Variants in GATC observed in about 807,000 individuals in gnomAD.
GATC encodes the protein glutamyl-tRNA amidotransferase subunit C.
In GATC, 11 loss-of-function variants were observed where a neutral mutation model predicts 14.4. That is an observed-to-expected ratio of 0.77 (90% CI 0.48 to 1.27). The LOEUF (loss-of-function observed/expected upper bound fraction) is 1.27. Among genes scored for constraint, GATC ranks in the 50% most tolerant of loss-of-function variants. The probability of loss-of-function intolerance (pLI) is 0.00; values close to 1 mark genes in which losing one functional copy is unlikely to be tolerated. For synonymous variants in GATC, 76 were observed against 79.3 expected, an observed-to-expected ratio of 0.96 and a Z score of 0.22; for missense variants, 204 against 183.0, an observed-to-expected ratio of 1.11 and a Z score of -0.66.
In GATC at chr12:120,446,674, G is replaced by T; in HGVS notation, c.99G>T (p.Thr33=). 6.2e-7 allele frequency: 1 copy of T among 1,612,816 alleles called. No individual in the cohort carries two copies. Among genetic ancestry groups the T allele is most frequent in the African/African-American group, 1.3e-5 (1 of 75,066 alleles). The part of the protein sequence containing the change: ...KADPQGSGRI[T]AAVIEHLERL... ...TCCTCCAGGGCAGTGGCCGGATCAC[G>T]GCTGCGGTGATCGAGCACCTGGAGC... The change falls in exon 2 of 4, where the codon ACG becomes ACT. Residue 33 remains threonine (T), a synonymous_variant. Transcript: ENST00000551765.
chr12:120,454,524 C>T lies in GATC; in HGVS notation c.255-2552C>T, dbSNP rs1565913930. On this transcript the variant is annotated intron_variant, in intron 2 of 3. Coordinates refer to ENST00000551765, the MANE Select transcript of GATC (RefSeq NM_176818.3). The stretch of plus-strand genomic sequence containing the variant: ...CAAGCTCCACCTCCAGGGTTCACGC[C>T]GTTCCCCTCCTCAGCCTCTCGCTAC... Among the ~76,000 whole-genome samples the T allele has an allele frequency of 3.3e-5, 5 of 151,602 alleles. No homozygotes were observed. The South Asian group carries it at 1.0e-3, about 32-fold the overall frequency.
At chr12:120,456,873 C>T (rs1878198542) in intron 2 of GATC, among the ~76,000 whole-genome samples, 1 of 152,178 alleles carries the variant, frequency 6.6e-6, no homozygotes, top group East Asian at 1.9e-4. Context: ...GTAATTAGCA[C>T]TTACTTCTCA....
At chr12:120,456,175 T>C (rs1418632644) in intron 2 of GATC, among the ~76,000 whole-genome samples, 1 of 152,204 alleles carries the variant, frequency 6.6e-6, no homozygotes, top group Non-Finnish European at 1.5e-5. Flanking sequence ...TCTAAGTATC[T>C]GGAAGCAGGC....
chr12:120,452,622 G>A (rs1028165221), intron 2 of GATC, among the ~76,000 whole-genome samples: 1 of 151,786 alleles, frequency 6.6e-6, no homozygotes, highest in Non-Finnish European at 1.5e-5. Context: ...AGCTGGTCTC[G>A]AACTCCTGGG....
intron 2 of GATC, among the ~76,000 whole-genome samples, chr12:120,449,802 G>C (rs1450343625): frequency 6.6e-6 from 1 of 150,390 alleles, no homozygotes; most frequent in Non-Finnish European, 1.5e-5. Context: ...TGCTCACGTT[G>C]CCCAGGCTGG....
rs79207540 is a variant in GATC at position 120,457,399 on chromosome 12, G to A, written c.358+220G>A. Reference sequence around the variant, plus strand: ...AAAACAGGATTGGGGGCATGCGGGAGGTTTAAAGTAGGTGGAAATCTGGAG... The same window carrying A: ...AAAACAGGATTGGGGGCATGCGGGAAGTTTAAAGTAGGTGGAAATCTGGAG... On this transcript the variant is annotated intron_variant, in intron 3 of 3. Transcript: ENST00000551765. Among the ~76,000 whole-genome samples, 729 of 152,106 alleles carry A rather than the reference G, an allele frequency of 4.8e-3. 7 individuals are homozygous for A. Among genetic ancestry groups the A allele is most frequent in the African/African-American group, 0.017 (711 of 41,472 alleles).
chr12:120,451,875 C>CTTTTTTTTTTTCTTTTTTTTTTTTT (rs1382761116), intron 2 of GATC, among the ~76,000 whole-genome samples: 18 of 90,794 alleles, frequency 2.0e-4, no homozygotes, highest in East Asian at 7.8e-4. Flanking sequence ...TATATAAATT[C>CTTTTTTTTTTTCTTTTTTTTTTTTT]TTTTTTTTTT....
At chr12:120,448,835 G>A (rs1238679563) in intron 2 of GATC, among the ~76,000 whole-genome samples, 17 of 147,334 alleles carry the variant, frequency 1.2e-4, no homozygotes, top group Middle Eastern at 3.8e-3. Flanking sequence ...TAATAGAGAC[G>A]GGGTTTCACC....
Position 120,462,341 on chromosome 12 carries a change from CCATTT to C in GATC, c.*2385_*2389del. On this transcript the variant is annotated 3_prime_UTR_variant, in exon 4 of 4. Coordinates refer to ENST00000551765, the MANE Select transcript of GATC (RefSeq NM_176818.3). ...TTATGAGGTAGGTACTCTTACTATC[CCATTT>C]CAAGAATGAAGAAAATTAAGACTTA... 1 of 536,980 alleles carries C rather than the reference CCATTT, an allele frequency of 1.9e-6. No individual in the cohort carries two copies. The highest frequency in any genetic ancestry group is 3.0e-6 in the Non-Finnish European group (1 of 327,894). The allele number at this position is 536,980 out of a possible 1,614,324, so 33.3% of individuals were successfully genotyped here. A position where few individuals can be genotyped will look rare whatever the true frequency, so the allele number is the denominator to read the frequency against.
Position 120,459,997 on chromosome 12 carries a change from T to C in GATC, c.*38T>C. The stretch of plus-strand genomic sequence containing the variant: ...GGAAAGGGGGTACTCTGTGAACATG[T>C]GGAAGCATAATGACAGTATTTTTTT... On this transcript the variant is annotated 3_prime_UTR_variant, in exon 4 of 4. Coordinates refer to ENST00000551765, the MANE Select transcript of GATC (RefSeq NM_176818.3). The C allele has an allele frequency of 6.6e-7, 1 of 1,519,088 alleles. No individual in the cohort carries two copies. The highest frequency in any genetic ancestry group is 9.1e-7 in the Non-Finnish European group (1 of 1,096,390). 94.1% of individuals were successfully genotyped at this position (1,519,088 alleles called of 1,614,324 possible).
At chr12:120,451,875 C>CTTTTTTTTTTTCT (rs1382761116) in intron 2 of GATC, among the ~76,000 whole-genome samples, 1,905 of 90,716 alleles carry the variant, frequency 0.021, 155 homozygotes, top group East Asian at 0.084. Context: ...TATATAAATT[C>CTTTTTTTTTTTCT]TTTTTTTTTT....
intron 2 of GATC, among the ~76,000 whole-genome samples, chr12:120,456,706 C>T (rs1423578959): frequency 1.3e-5 from 2 of 152,218 alleles, no homozygotes; most frequent in African/African-American, 4.8e-5. Context: ...GTGCTACTCA[C>T]GCAGGCTGGA....
chr12:120,459,550 G>A (rs1460893985), intron 3 of GATC, among the ~76,000 whole-genome samples: 1 of 152,106 alleles, frequency 6.6e-6, no homozygotes, highest in Admixed American at 6.6e-5. Flanking sequence ...TGGGCGGCAG[G>A]CTCAGCTATA....
In GATC at chr12:120,460,384, C is replaced by CCTAT. The variant is rs1878301643; in HGVS notation, c.*428_*431dup. On this transcript the variant is annotated 3_prime_UTR_variant, in exon 4 of 4. Transcript: ENST00000551765. The stretch of plus-strand genomic sequence containing the variant: ...TGCCATTTGCATTGATTTGAGCAGC[C>CCTAT]CTATCTTTACCGAACATACCTGAAT... 1 of 156,064 alleles carries CCTAT rather than the reference C, an allele frequency of 6.4e-6. No individual in the cohort carries two copies. 9.7% of individuals were successfully genotyped at this position (156,064 alleles called of 1,614,324 possible).
chr12:120,446,593 G>A (rs376641232), intron 1 of GATC, 32 bp downstream of exon 1: 52 of 1,590,354 alleles, frequency 3.3e-5, no homozygotes, highest in Non-Finnish European at 4.4e-5. Flanking sequence ...GCGGGTGGCG[G>A]AGCAAGCCGG....
intron 2 of GATC, among the ~76,000 whole-genome samples, chr12:120,448,642 CTT>C (rs71451885): frequency 1.4e-4 from 12 of 87,490 alleles, no homozygotes; most frequent in Admixed American, 3.0e-4. Context: ...AAGTCCATTC[CTT>C]TTTTTTTTTT....
At position 120,461,123 on chromosome 12, in the gene GATC, A is replaced by G. The variant is rs1251922609; in HGVS notation, c.*1164A>G. ...GCTCATTTTTTTAGTTTTCTGAGAC[A>G]GGGGTCTCCCTCTGTCACCCAGGCT... On this transcript the variant is annotated 3_prime_UTR_variant, in exon 4 of 4. Coordinates refer to ENST00000551765, the MANE Select transcript of GATC (RefSeq NM_176818.3). The G allele has an allele frequency of 6.6e-6, 1 of 152,064 alleles. No homozygotes were observed. The highest frequency in any genetic ancestry group is 2.4e-5 in the African/African-American group (1 of 41,404). The allele number at this position is 152,064 out of a possible 1,614,324, so 9.4% of individuals were successfully genotyped here. A position where few individuals can be genotyped will look rare whatever the true frequency, so the allele number is the denominator to read the frequency against.
intron 2 of GATC, among the ~76,000 whole-genome samples, chr12:120,451,875 C>CTTTTTTTTTTTCTTTTTTTTTTTTTTTT (rs1382761116): frequency 4.4e-5 from 4 of 90,794 alleles, no homozygotes; most frequent in African/African-American, 1.7e-4. Context: ...TATATAAATT[C>CTTTTTTTTTTTCTTTTTTTTTTTTTTTT]TTTTTTTTTT....
Position 120,460,450 on chromosome 12 carries a change from C to T in GATC, c.*491C>T, listed in dbSNP as rs1195861035. 6.5e-6 allele frequency: 1 copy of T among 152,958 alleles called. No individual in the cohort carries two copies. Among genetic ancestry groups the T allele is most frequent in the Non-Finnish European group, 1.5e-5 (1 of 68,626 alleles). 9.5% of individuals were successfully genotyped at this position (152,958 alleles called of 1,614,324 possible). Reference sequence around the variant, plus strand: ...CACTTTCTTCCCAGAAGAGGGCTAACTTCCTACTAAGGTCTGAAGAGTGTT... The same window carrying T: ...CACTTTCTTCCCAGAAGAGGGCTAATTTCCTACTAAGGTCTGAAGAGTGTT... On this transcript the variant is annotated 3_prime_UTR_variant, in exon 4 of 4. Transcript: ENST00000551765.
Sources: gnomAD v4.1 joint callset for allele counts (sites outside exome capture counted in the v4.1 genomes callset) on GRCh38, gnomAD v4.1.1 for gene constraint, MANE v1.5 for transcripts, NCBI Gene and HGNC (gene_info 2026-07-23, HGNC 2026-07-21) for gene names.